MEI4: variants seen among roughly 807,000 people sequenced by gnomAD.
MEI4 encodes the protein meiosis-specific protein MEI4.
In MEI4, 27 loss-of-function variants were observed where a neutral mutation model predicts 31.4. The ratio of observed to expected loss-of-function variants is 0.86; its 90% CI spans 0.63 to 1.19. MEI4 has a LOEUF of 1.19. MEI4 is among the 50% of genes most tolerant of loss of function. The probability of loss-of-function intolerance (pLI) is 0.00; values close to 1 mark genes in which losing one functional copy is unlikely to be tolerated. For synonymous variants in MEI4, 122 were observed against 145.4 expected, an observed-to-expected ratio of 0.84 and a Z score of 1.16; for missense variants, 329 against 398.9, an observed-to-expected ratio of 0.82 and a Z score of 1.49.
intron 4 of MEI4, among the ~76,000 whole-genome samples, chr6:77,829,979 C>T (rs1770038902): frequency 6.6e-6 from 1 of 151,824 alleles, no homozygotes; most frequent in Non-Finnish European, 1.5e-5. Flanking sequence ...GACAAACTCT[C>T]TTAAGAGCTG....
chr6:77,737,116 A>C (rs1254111374), intron 2 of MEI4, among the ~76,000 whole-genome samples: 1 of 152,240 alleles, frequency 6.6e-6, no homozygotes, highest in Non-Finnish European at 1.5e-5. Flanking sequence ...TGTAGGCAGT[A>C]AGTGGCATTT....
chr6:77,914,004 A>G (rs567966107), intron 4 of MEI4, among the ~76,000 whole-genome samples: 14 of 147,976 alleles, frequency 9.5e-5, no homozygotes, highest in Non-Finnish European at 1.9e-4. Context: ...ACTGCACTCC[A>G]TCCTGGCCAG....
chr6:77,786,105 G>C (rs1768728804), intron 3 of MEI4, among the ~76,000 whole-genome samples: 1 of 151,988 alleles, frequency 6.6e-6, no homozygotes, highest in Non-Finnish European at 1.5e-5. Flanking sequence ...AAAAAATTAT[G>C]GAATGGGAAT....
At chr6:77,756,589 TTCTC>T (rs1482074265) in intron 2 of MEI4, among the ~76,000 whole-genome samples, 3 of 151,600 alleles carry the variant, frequency 2.0e-5, no homozygotes, top group Admixed American at 2.0e-4. Flanking sequence ...TTCTTTTGGT[TTCTC>T]TCTTTCTCTC....
rs553652727 is a variant in MEI4, at chr6:77,735,899, G to C, written c.233-25231G>C. ...TCTGTTGGAGTACCCGGCCGTGTGAGGTGTCAGTCTGCCCCTGCTGGGGGA... is the reference window on the plus strand; with the variant it reads ...TCTGTTGGAGTACCCGGCCGTGTGACGTGTCAGTCTGCCCCTGCTGGGGGA... On this transcript the variant is annotated intron_variant, in intron 2 of 4. Transcript: ENST00000684080. 2.6e-5 allele frequency among the ~76,000 whole-genome samples: 4 copies of C among 151,386 alleles called. No homozygotes were observed. The East Asian group carries it at 7.9e-4, about 30-fold the overall frequency.
intron 2 of MEI4, among the ~76,000 whole-genome samples, chr6:77,751,366 C>A (rs1410019404): frequency 1.3e-5 from 2 of 151,510 alleles, no homozygotes; most frequent in South Asian, 2.1e-4. Context: ...AACAAATAGA[C>A]CACTAGCCAG....
intron 4 of MEI4, among the ~76,000 whole-genome samples, chr6:77,838,546 A>G (rs1034725211): frequency 6.6e-6 from 1 of 152,184 alleles, no homozygotes; most frequent in Admixed American, 6.5e-5. Context: ...AGATATAATA[A>G]AGCCACTACA....
At chr6:77,895,120 T>A (rs2127733422) in intron 4 of MEI4, among the ~76,000 whole-genome samples, 1 of 152,316 alleles carries the variant, frequency 6.6e-6, no homozygotes, top group Non-Finnish European at 1.5e-5. Flanking sequence ...AATACTGCTT[T>A]TATGCTTCCT....
rs1421710751 is a variant in MEI4 at position 77,924,047 on chromosome 6, T to TATAC, written c.*703_*706dup. On this transcript the variant is annotated 3_prime_UTR_variant, in exon 5 of 5. Coordinates refer to ENST00000684080, the MANE Select transcript of MEI4 (RefSeq NM_001322247.2). ...TAATAGTCTTGTAATTGTTAAATAG[T>TATAC]ATACAATTAAGTCACTAGACATATT... 2.7e-4 allele frequency: 41 copies of TATAC among 151,904 alleles called. No individual in the cohort carries two copies. The highest frequency in any genetic ancestry group is 9.6e-4 in the African/African-American group (40 of 41,544). The allele number at this position is 151,904 out of a possible 1,614,324, so 9.4% of individuals were successfully genotyped here.
intron 2 of MEI4, among the ~76,000 whole-genome samples, chr6:77,734,543 G>T (rs910088213): frequency 2.6e-5 from 4 of 151,984 alleles, no homozygotes; most frequent in African/African-American, 9.7e-5. Context: ...CTGCACGTGA[G>T]ATGGGTTTCC....
At chr6:77,719,191 G>T (rs1442120604) in intron 2 of MEI4, among the ~76,000 whole-genome samples, 1 of 141,976 alleles carries the variant, frequency 7.0e-6, no homozygotes, top group Non-Finnish European at 1.5e-5. Context: ...CAAATTCATT[G>T]TTTTGTAATA....
chr6:77,796,370 A>G (rs1292656251), intron 3 of MEI4, among the ~76,000 whole-genome samples: 1 of 152,182 alleles, frequency 6.6e-6, no homozygotes, highest in Non-Finnish European at 1.5e-5. Flanking sequence ...AGCCAGAGCA[A>G]TTAGGCAAGA....
chr6:77,678,786 C>T (rs1262158714), intron 1 of MEI4, among the ~76,000 whole-genome samples: 4 of 151,932 alleles, frequency 2.6e-5, no homozygotes, highest in African/African-American at 9.7e-5. Context: ...TGCAAGAAGG[C>T]GTTATCAAAG....
At chr6:77,798,929 T>G (rs9448218) in intron 3 of MEI4, among the ~76,000 whole-genome samples, 34,436 of 151,496 alleles carry the variant, frequency 0.23, 4,671 homozygotes, top group African/African-American at 0.38. Flanking sequence ...TCTTTGCTAT[T>G]GTGAATAATG....
At chr6:77,800,072 A>T (rs1330612415) in intron 3 of MEI4, among the ~76,000 whole-genome samples, 2 of 152,124 alleles carry the variant, frequency 1.3e-5, no homozygotes, top group African/African-American at 2.4e-5. Context: ...TTGAATCTAT[A>T]AATTACCTTG....
intron 4 of MEI4, among the ~76,000 whole-genome samples, chr6:77,867,718 T>C (rs1036712810): frequency 2.0e-5 from 3 of 152,178 alleles, no homozygotes; most frequent in Non-Finnish European, 2.9e-5. Context: ...GATTACTGGG[T>C]ATATACCCAA....
intron 2 of MEI4, among the ~76,000 whole-genome samples, chr6:77,749,027 G>A (rs942960059): frequency 1.3e-5 from 2 of 152,112 alleles, no homozygotes; most frequent in African/African-American, 2.4e-5. Context: ...CTGCAGCAGA[G>A]GGGCCTGTTA....
At chr6:77,732,654 C>G (rs181943315) in intron 2 of MEI4, among the ~76,000 whole-genome samples, 1 of 151,940 alleles carries the variant, frequency 6.6e-6, no homozygotes, top group South Asian at 2.1e-4. Context: ...GCCAAGACTT[C>G]CAACACTATG....
At chr6:77,841,268 G>A (rs1178017186) in intron 4 of MEI4, among the ~76,000 whole-genome samples, 1 of 140,248 alleles carries the variant, frequency 7.1e-6, no homozygotes, top group Admixed American at 7.3e-5. Context: ...TAATTGAAGT[G>A]GAAAATGTTA....
Sources: gnomAD v4.1 joint callset for allele counts (sites outside exome capture counted in the v4.1 genomes callset) on GRCh38, gnomAD v4.1.1 for gene constraint, MANE v1.5 for transcripts, NCBI Gene and HGNC (gene_info 2026-07-23, HGNC 2026-07-21) for gene names.